The following R3HDM4 variants were observed in gnomAD, a reference collection of about 807,000 sequenced individuals.
R3HDM4 encodes the protein R3H domain containing 4.
R3HDM4 carries 30 observed loss-of-function variants against 31.3 expected under a neutral mutation model. The observed-to-expected ratio is 0.96, with a 90% CI of 0.72 to 1.30. R3HDM4 has a LOEUF of 1.30. Among genes scored for constraint, R3HDM4 ranks in the 50% most tolerant of loss-of-function variants. R3HDM4 has a pLI of 0.00. For missense variants in R3HDM4, 444 were observed against 366.1 expected (o/e 1.21, Z -1.74); for synonymous variants, 196 against 156.6 (o/e 1.25, Z -1.88).
chr19:911,962 G>C (rs972282904), intron 1 of R3HDM4, among the ~76,000 whole-genome samples: 3 of 150,876 alleles, frequency 2.0e-5, no homozygotes, highest in Non-Finnish European at 4.4e-5. Flanking sequence ...GACCAGGCTG[G>C]AGCGCATGGC....
At position 899,656 on chromosome 19, in the gene R3HDM4, G is replaced by A; in HGVS notation, c.592C>T (p.Leu198Phe). ...ETLETWEERLLRFFSVSPQAV... is the reference protein window; with the variant it reads ...ETLETWEERLFRFFSVSPQAV... ...TGGGGGGACACGGAGAAGAACCGAA[G>A]CAGCCGCTCCTCCCAGGTCTCCAGC... The change falls in exon 6 of 8, where the codon CTT becomes TTT. Residue 198 changes from leucine to phenylalanine, a missense_variant. Leu to Phe is a conservative substitution (Grantham distance 22). Coordinates refer to ENST00000361574, the MANE Select transcript of R3HDM4 (RefSeq NM_138774.4). The surrounding 1 kb of genome is among the most constrained non-coding windows in gnomAD (Gnocchi z 6.8). 6.2e-7 allele frequency: 1 copy of A among 1,603,008 alleles called. No individual in the cohort carries two copies. Among genetic ancestry groups the A allele is most frequent in the Non-Finnish European group, 8.5e-7 (1 of 1,174,820 alleles).
chr19:903,773 G>A (rs968570269), intron 1 of R3HDM4, among the ~76,000 whole-genome samples: 7 of 151,888 alleles, frequency 4.6e-5, no homozygotes, highest in Non-Finnish European at 8.8e-5. Context: ...CAAACAGGAC[G>A]GGCGCGGTGG....
chr19:908,762 C>G (rs1051347332), intron 1 of R3HDM4, among the ~76,000 whole-genome samples: 3 of 151,752 alleles, frequency 2.0e-5, no homozygotes, highest in African/African-American at 7.3e-5. Flanking sequence ...AGGAACGGCC[C>G]CGCCCCCCAC....
At position 907,246 on chromosome 19, in the gene R3HDM4, G is replaced by C. The variant is rs557830584; in HGVS notation, c.72-5116C>G. ...GAGCACAGCAGCCGACGGGTACTCA[G>C]TGGGAATACAGGGTCATGTTAAGCC... On this transcript the variant is annotated intron_variant, in intron 1 of 7. Coordinates refer to ENST00000361574, the MANE Select transcript of R3HDM4 (RefSeq NM_138774.4). The surrounding 1 kb of genome is among the most constrained non-coding windows in gnomAD (Gnocchi z 4.1). Among the ~76,000 whole-genome samples, 1 of 152,306 alleles carries C rather than the reference G, an allele frequency of 6.6e-6. No individual in the cohort carries two copies. The highest frequency in any genetic ancestry group is 2.4e-5 in the African/African-American group (1 of 41,564).
intron 5 of R3HDM4, 34 bp downstream of exon 5, chr19:900,027 G>A: frequency 1.3e-6 from 2 of 1,598,954 alleles, no homozygotes; most frequent in Non-Finnish European, 1.7e-6. Context: ...GACCAGGCAG[G>A]TAGAAAAGGG....
intron 7 of R3HDM4, among the ~76,000 whole-genome samples, chr19:898,710 T>G (rs2036778734): frequency 6.6e-6 from 1 of 151,888 alleles, no homozygotes; most frequent in African/African-American, 2.4e-5. Flanking sequence ...CTCCCCATCT[T>G]GCTGGGACCC....
At chr19:911,798 C>T (rs1020034610) in intron 1 of R3HDM4, among the ~76,000 whole-genome samples, 1 of 152,076 alleles carries the variant, frequency 6.6e-6, no homozygotes. Flanking sequence ...GCTTCCGGGT[C>T]CCCCGGGAAG....
intron 1 of R3HDM4, chr19:902,429 G>A (rs1023221319): frequency 3.8e-6 from 1 of 265,256 alleles, no homozygotes; most frequent in South Asian, 1.1e-4. Context: ...GAGCAACATA[G>A]CAAGACTATG....
intron 3 of R3HDM4, 148 bp from the exon 4 acceptor site, chr19:901,100 G>T: frequency 3.7e-6 from 4 of 1,075,444 alleles, no homozygotes; most frequent in Non-Finnish European, 5.2e-6. Context: ...CTTGTGTCGG[G>T]CCCTGAGCTG....
At chr19:902,229 A>G in intron 1 of R3HDM4, 99 bp from the exon 2 acceptor site, 1 of 1,369,748 alleles carries the variant, frequency 7.3e-7, no homozygotes, top group Non-Finnish European at 1.0e-6. Context: ...TCCCCCAGCA[A>G]TGGAGAGCTC....
intron 1 of R3HDM4, among the ~76,000 whole-genome samples, chr19:908,691 G>A (rs930197012): frequency 6.6e-6 from 1 of 152,088 alleles, no homozygotes; most frequent in East Asian, 1.9e-4. Flanking sequence ...AACTCAGGGA[G>A]CCCCGGTCTC....
In R3HDM4 at chr19:899,567, C is replaced by G. The variant is rs2930885; in HGVS notation, c.647+34G>C. On this transcript the variant is annotated intron_variant, in intron 6 of 7. Coordinates refer to ENST00000361574, the MANE Select transcript of R3HDM4 (RefSeq NM_138774.4). This position sits in a 1 kb window ranked among gnomAD's most constrained non-coding sequence, Gnocchi z 6.8. ...GTGTCCGCCCACCTGGCCGCAGCCT[C>G]GGAGGGTCCGCTCGCCTGGCCGCCC... is the stretch of plus-strand genomic sequence containing the variant. 562,341 of 1,611,384 alleles carry G rather than the reference C, an allele frequency of 0.35. 99,411 individuals carry two copies. Among genetic ancestry groups the G allele is most frequent in the South Asian group, 0.42 (38,369 of 90,986 alleles).
Position 913,039 on chromosome 19 carries a change from G to T in R3HDM4, c.71+48C>A. ...CGGGGAGAGGATCTCAGGGGAGGGA[G>T]CCCAGCCCGCCCCCGGCGCCCGCCG... On this transcript the variant is annotated intron_variant, in intron 1 of 7. Transcript: ENST00000361574. This position sits in a 1 kb window ranked among gnomAD's most constrained non-coding sequence, Gnocchi z 5.0. 1 of 757,168 alleles carries T rather than the reference G, an allele frequency of 1.3e-6. No homozygotes were observed. The allele number at this position is 757,168 out of a possible 1,614,324, so 46.9% of individuals were successfully genotyped here.
chr19:901,020 T>C, intron 3 of R3HDM4, 68 bp from the exon 4 acceptor site: 1 of 1,490,554 alleles, frequency 6.7e-7, no homozygotes, highest in Non-Finnish European at 9.0e-7. Context: ...CCCGGGCAAA[T>C]GGGCACGGTA....
rs1309142704 is a variant in R3HDM4, at chr19:902,011, G to C, written c.191C>G (p.Ala64Gly). ...AVRNSDLVPK[A>G]KGRKSLQRLE... is the part of the protein sequence containing the mutation. Reference sequence around the variant, plus strand: ...GCGCTGGAGGCTCTTCCGCCCCTTGGCCTTGGGCACGAGGTCTGAGTTCCG... The same window carrying C: ...GCGCTGGAGGCTCTTCCGCCCCTTGCCCTTGGGCACGAGGTCTGAGTTCCG... Residue 64 changes from alanine to glycine, a missense_variant, in exon 2 of 8, where the codon GCC becomes GGC. Ala to Gly is a moderately conservative substitution (Grantham distance 60, BLOSUM62 0). Transcript: ENST00000361574. 1.9e-6 allele frequency: 3 copies of C among 1,613,846 alleles called. No homozygotes were observed. The highest frequency in any genetic ancestry group is 4.5e-5 in the East Asian group (2 of 44,890).
Position 897,440 on chromosome 19 carries a change from G to A in R3HDM4, c.804C>T (p.Ser268=), listed in dbSNP as rs1039160324. 2 of 1,605,858 alleles carry A rather than the reference G, an allele frequency of 1.2e-6. No homozygotes were observed. Among genetic ancestry groups the A allele is most frequent in the African/African-American group, 2.7e-5 (2 of 74,742 alleles). Residue 268 remains serine (S), a synonymous_variant, in exon 8 of 8, where the codon AGC becomes AGT. Transcript: ENST00000361574. Reference sequence around the variant, plus strand: ...CGGGGTCTCCGCGGGGCCGCCATCAGCTGTGCTGCTCCAGGTAGGCGGACA... The same window carrying A: ...CGGGGTCTCCGCGGGGCCGCCATCAACTGTGCTGCTCCAGGTAGGCGGACA... ...LLLSAYLEQH[S] is the part of the protein sequence containing the mutation.
rs747604317 is a variant in R3HDM4, at chr19:901,402, GA to G, written c.351+19del. The G allele has an allele frequency of 1.3e-6, 2 of 1,593,266 alleles. No homozygotes were observed. The highest frequency in any genetic ancestry group is 1.7e-6 in the Non-Finnish European group (2 of 1,172,706). ...GCCGGGGTCCCCGTGTGGAGGGAGT[GA>G]GGGGGTTGGGGGCCACACCTCCACA... On this transcript the variant is annotated intron_variant, in intron 3 of 7. Coordinates refer to ENST00000361574, the MANE Select transcript of R3HDM4 (RefSeq NM_138774.4).
At chr19:903,189 A>C (rs1322102380) in intron 1 of R3HDM4, among the ~76,000 whole-genome samples, 1 of 151,486 alleles carries the variant, frequency 6.6e-6, no homozygotes, top group Non-Finnish European at 1.5e-5. Flanking sequence ...GCAGCAGAGG[A>C]GCCAGAAAAC....
rs549589064 is a variant in R3HDM4 at position 904,262 on chromosome 19, C to T, written c.72-2132G>A. On this transcript the variant is annotated intron_variant, in intron 1 of 7. Transcript: ENST00000361574. ...GCTTCCAAGACACGATTTCCCGTCC[C>T]GCCTCGGACCTTCGCACAGGCGGCT... 1.3e-4 allele frequency among the ~76,000 whole-genome samples: 20 copies of T among 152,278 alleles called. No homozygotes were observed. In the East Asian group the frequency reaches 2.7e-3, roughly 21 times the overall value.
Sources: gnomAD v4.1 joint callset for allele counts (sites outside exome capture counted in the v4.1 genomes callset) on GRCh38, gnomAD v4.1.1 for gene constraint, Gnocchi (gnomAD v3.1) non-coding constraint, MANE v1.5 for transcripts, NCBI Gene and HGNC (gene_info 2026-07-23, HGNC 2026-07-21) for gene names.